NUP155: variants seen among roughly 807,000 people sequenced by gnomAD.
The protein encoded by NUP155 is nucleoporin 155.
A neutral mutation model predicts 180.4 loss-of-function variants in NUP155; 71 were observed. The ratio of observed to expected loss-of-function variants is 0.39; its 90% CI spans 0.33 to 0.48. NUP155 has a LOEUF of 0.48. NUP155 is among the 20% of genes least tolerant of loss of function. NUP155 has a pLI of 0.91. For missense variants in NUP155, 1,553 were observed against 1,648.9 expected (o/e 0.94, Z 1.01); for synonymous variants, 582 against 559.5 (o/e 1.04, Z -0.57).
chr5:37,303,970 G>A (rs1043207717), intron 27 of NUP155, among the ~76,000 whole-genome samples: 2 of 151,408 alleles, frequency 1.3e-5, no homozygotes, highest in South Asian at 2.1e-4. Flanking sequence ...AAATTTGGCC[G>A]GGCACAGTGG....
At chr5:37,346,687 AG>A (rs1746113680) in intron 9 of NUP155, among the ~76,000 whole-genome samples, 1 of 151,296 alleles carries the variant, frequency 6.6e-6, no homozygotes, top group Non-Finnish European at 1.5e-5. Flanking sequence ...CAAAAAAAAA[AG>A]AGAGAGAGAG....
rs577068343 is a variant in NUP155, at chr5:37,337,762, T to C, written c.1347+56A>G. The C allele has an allele frequency of 8.6e-6, 9 of 1,052,104 alleles. No individual in the cohort carries two copies. In the Admixed American group the frequency reaches 1.6e-4, roughly 18 times the overall value. 65.2% of individuals were successfully genotyped at this position (1,052,104 alleles called of 1,614,324 possible). On this transcript the variant is annotated intron_variant, in intron 12 of 34. Transcript: ENST00000231498. ...TCAGAAGATAAAAGTTTCTTCCATA[T>C]TATCCTTCACTTAAAATTATATAAT...
At position 37,307,421 on chromosome 5, in the gene NUP155, C is replaced by G; in HGVS notation, c.2779G>C (p.Glu927Gln). 6.2e-7 allele frequency: 1 copy of G among 1,613,954 alleles called. No individual in the cohort carries two copies. Among genetic ancestry groups the G allele is most frequent in the Non-Finnish European group, 8.5e-7 (1 of 1,179,964 alleles). Reference protein sequence around the residue: ...CAQYRQVRFYEGVVELSLTAA... With the variant: ...CAQYRQVRFYQGVVELSLTAA... ...GTAAGAGAAAGTTCCACCACACCCT[C>G]ATAAAATCTCACTGATGGGAAAGAA... Residue 927 changes from glutamate to glutamine, a missense_variant, in exon 25 of 35, where the codon GAG (glutamate) becomes CAG (glutamine). By Grantham distance (29) the Glu-to-Gln change is conservative (BLOSUM62 2). Transcript: ENST00000231498.
intron 25 of NUP155, 98 bp downstream of exon 25, chr5:37,307,197 CAA>C (rs34995492): frequency 7.8e-3 from 7,142 of 917,522 alleles, no homozygotes; most frequent in Middle Eastern, 0.011. Context: ...GACTCTGTCT[CAA>C]AAAAAAAAAA....
rs1561762478 is a variant in NUP155 at position 37,294,024 on chromosome 5, A to AAAAAT, written c.3930+300_3930+304dup. 5.3e-5 allele frequency among the ~76,000 whole-genome samples: 4 copies of AAAAAT among 76,178 alleles called. 1 individual carries two copies. Among genetic ancestry groups the AAAAAT allele is most frequent in the African/African-American group, 7.5e-4 (2 of 2,660 alleles). The allele number at this position is 76,178 out of a possible 152,430, so 50.0% of individuals were successfully genotyped here. On this transcript the variant is annotated intron_variant, in intron 33 of 34. Transcript: ENST00000231498. ...CCGTCTCAAAAAAAAAAAAAAAAAA[A>AAAAAT]AAAATAAAGCAAATGATGATTCTTA...
chr5:37,365,012 C>G (rs986552583), intron 1 of NUP155, among the ~76,000 whole-genome samples: 4 of 151,776 alleles, frequency 2.6e-5, no homozygotes, highest in Admixed American at 6.6e-5. Flanking sequence ...GCCTGTAATC[C>G]TAGCACTTTG....
chr5:37,364,074 A>G lies in NUP155; in HGVS notation c.296-90T>C, dbSNP rs549994685. 2.5e-6 allele frequency: 3 copies of G among 1,197,648 alleles called. No individual in the cohort carries two copies. The African/African-American group carries it at 4.5e-5, about 18-fold the overall frequency. The allele number at this position is 1,197,648 out of a possible 1,614,324, so 74.2% of individuals were successfully genotyped here. A position where few individuals can be genotyped will look rare whatever the true frequency, so the allele number is the denominator to read the frequency against. On this transcript the variant is annotated intron_variant, in intron 2 of 34. Transcript: ENST00000231498. ...GCTTTTGACTTAATATTTACGTAAA[A>G]AATCACAATGTGTCCACTCTTTAAT...
intron 12 of NUP155, 50 bp from the exon 13 acceptor site, chr5:37,333,683 G>A (rs1293640197): frequency 2.8e-6 from 4 of 1,414,976 alleles, no homozygotes; most frequent in Admixed American, 3.7e-5. Flanking sequence ...GTTACATAAT[G>A]CAAAAGAAAA....
chr5:37,301,090 T>C (rs2366277), intron 30 of NUP155: 10 of 282,214 alleles, frequency 3.5e-5, no homozygotes, highest in South Asian at 7.4e-5. Context: ...TCCCAAAGTG[T>C]TGGATTACAG....
In NUP155 at chr5:37,302,870, G is replaced by C; in HGVS notation, c.3356C>G (p.Ala1119Gly). Residue 1119 changes from alanine (A) to glycine (G), a missense_variant, in exon 29 of 35, where the codon GCT (alanine) becomes GGT (glycine). Transcript: ENST00000231498. The stretch of plus-strand genomic sequence containing the variant: ...ACTTTTGGCACTAAGAATGGCTCGA[G>C]CAATGTACTCTAGTCGCTGCTGAAG... ...ISLQQRLEYI[A>G]RAILSAKSST... 50 of 1,613,982 alleles carry C rather than the reference G, an allele frequency of 3.1e-5. No homozygotes were observed. The highest frequency in any genetic ancestry group is 4.2e-5 in the Non-Finnish European group (50 of 1,179,916).
intron 21 of NUP155, among the ~76,000 whole-genome samples, chr5:37,316,110 C>T (rs1159081472): frequency 6.6e-6 from 1 of 152,130 alleles, no homozygotes; most frequent in Non-Finnish European, 1.5e-5. Flanking sequence ...ATTTGTTCAC[C>T]CATGTTAATA....
At chr5:37,297,311 A>G (rs1256090254) in intron 32 of NUP155, among the ~76,000 whole-genome samples, 1 of 151,806 alleles carries the variant, frequency 6.6e-6, no homozygotes, top group Non-Finnish European at 1.5e-5. Flanking sequence ...GAGCCACCAC[A>G]CAAAGCCCAC....
chr5:37,303,670 GCATGGCGACT>G (rs1287674206), intron 27 of NUP155, among the ~76,000 whole-genome samples: 1 of 152,196 alleles, frequency 6.6e-6, no homozygotes, highest in African/African-American at 2.4e-5. Context: ...AGTAGGCTGG[GCATGGCGACT>G]CATGTCTGTA....
intron 1 of NUP155, among the ~76,000 whole-genome samples, chr5:37,364,642 T>TA (rs1288733660): frequency 3.2e-4 from 16 of 49,248 alleles, no homozygotes; most frequent in East Asian, 2.8e-3. Flanking sequence ...TTTATTTTAT[T>TA]TTTTTTTTTT....
At chr5:37,319,798 G>GA (rs1744126988) in intron 20 of NUP155, among the ~76,000 whole-genome samples, 1 of 152,160 alleles carries the variant, frequency 6.6e-6, no homozygotes, top group South Asian at 2.1e-4. Context: ...TTGAAGCTGG[G>GA]AGGTCAAAGT....
At chr5:37,361,359 T>G (rs1373617532) in intron 3 of NUP155, among the ~76,000 whole-genome samples, 1 of 143,592 alleles carries the variant, frequency 7.0e-6, no homozygotes, top group African/African-American at 2.6e-5. Context: ...CTAAAAATAA[T>G]AGAAGACATC....
chr5:37,330,217 G>C, intron 14 of NUP155, 85 bp from the exon 15 acceptor site: 2 of 918,632 alleles, frequency 2.2e-6, no homozygotes, highest in Non-Finnish European at 3.5e-6. Context: ...ATTAAAGTCT[G>C]TATCTAGCAC....
At chr5:37,340,812 A>T (rs1745665426) in intron 11 of NUP155, among the ~76,000 whole-genome samples, 1 of 152,204 alleles carries the variant, frequency 6.6e-6, no homozygotes, top group African/African-American at 2.4e-5. Context: ...CTACAATTTC[A>T]AATTTTATTT....
intron 32 of NUP155, among the ~76,000 whole-genome samples, chr5:37,297,869 A>G (rs1226294556): frequency 7.7e-6 from 1 of 129,972 alleles, no homozygotes; most frequent in Non-Finnish European, 1.7e-5. Context: ...TTTATTTCTG[A>G]CTATGTCCAG....
Sources: gnomAD v4.1 joint callset for allele counts (sites outside exome capture counted in the v4.1 genomes callset) on GRCh38, gnomAD v4.1.1 for gene constraint, MANE v1.5 for transcripts, NCBI Gene and HGNC (gene_info 2026-07-23, HGNC 2026-07-21) for gene names.